The following RANBP2 variants were observed in gnomAD, a reference collection of about 807,000 sequenced individuals.
RANBP2 encodes RAN binding protein 2, also known as E3 SUMO-protein ligase RanBP2.
In RANBP2, 57 loss-of-function variants were observed where a neutral mutation model predicts 303.6. The ratio of observed to expected loss-of-function variants is 0.19; its 90% CI spans 0.15 to 0.23. The LOEUF (loss-of-function observed/expected upper bound fraction) is 0.23, where lower values mean the gene tolerates loss of function less well. RANBP2 is among the 10% of genes least tolerant of loss of function. The probability of loss-of-function intolerance (pLI) is 1.00; values close to 1 mark genes in which losing one functional copy is unlikely to be tolerated. For missense variants in RANBP2, 3,138 were observed against 3,780.8 expected (o/e 0.83, Z 4.46); for synonymous variants, 1,167 against 1,301.5 (o/e 0.90, Z 2.23).
chr2:108,776,014 T>G, intron 24 of RANBP2, 78 bp downstream of exon 24: 1 of 1,266,408 alleles, frequency 7.9e-7, no homozygotes, highest in Non-Finnish European at 1.1e-6. Context: ...TAAAGGCTGA[T>G]CCTGAAAACT....
chr2:109,068,157 T>C, the RANBP2 span, among the ~76,000 whole-genome samples: 1 of 152,246 alleles, frequency 6.6e-6, no homozygotes, highest in African/African-American at 2.4e-5. Context: ...ATAGTGTGTA[T>C]TCCCCTCTGA....
At chr2:109,583,463 G>A in the RANBP2 span, among the ~76,000 whole-genome samples, 2 of 152,146 alleles carry the variant, frequency 1.3e-5, no homozygotes, top group Non-Finnish European at 2.9e-5. Flanking sequence ...AGTCAGAATG[G>A]CTATTATTAA....
the RANBP2 span, among the ~76,000 whole-genome samples, chr2:109,338,434 T>C: frequency 6.8e-6 from 1 of 147,172 alleles, no homozygotes; most frequent in Non-Finnish European, 1.5e-5. Context: ...TAGGGAAACT[T>C]TTTTTTTTTT....
At chr2:109,135,597 G>A in the RANBP2 span, among the ~76,000 whole-genome samples, 1 of 152,134 alleles carries the variant, frequency 6.6e-6, no homozygotes, top group Non-Finnish European at 1.5e-5. Context: ...CTTTGCTGCT[G>A]GTGGATTTGT....
chr2:109,694,188 C>A, the RANBP2 span, among the ~76,000 whole-genome samples: 20 of 152,048 alleles, frequency 1.3e-4, no homozygotes, highest in Admixed American at 6.6e-5. Context: ...TTGGCACTAT[C>A]CCCTTGGTAA....
At chr2:108,900,342 G>A in the RANBP2 span, among the ~76,000 whole-genome samples, 1 of 152,172 alleles carries the variant, frequency 6.6e-6, no homozygotes, top group African/African-American at 2.4e-5. Context: ...GATTAGCTGA[G>A]GTCAGGAGTT....
chr2:108,817,447 C>T, the RANBP2 span, among the ~76,000 whole-genome samples: 1 of 152,062 alleles, frequency 6.6e-6, no homozygotes, highest in African/African-American at 2.4e-5. Flanking sequence ...TGTGTGCCAC[C>T]ACGCCCAGCT....
chr2:109,355,397 G>A, the RANBP2 span, among the ~76,000 whole-genome samples: 1 of 152,144 alleles, frequency 6.6e-6, no homozygotes, highest in Non-Finnish European at 1.5e-5. Context: ...TGGTGGACTA[G>A]GACTCTCTGA....
chr2:109,706,861 T>A, the RANBP2 span, among the ~76,000 whole-genome samples: 1 of 152,134 alleles, frequency 6.6e-6, no homozygotes, highest in Admixed American at 6.6e-5. Context: ...CCCCTCACTT[T>A]CCACAGCAGG....
chr2:109,060,260 G>A, the RANBP2 span, among the ~76,000 whole-genome samples: 1 of 152,170 alleles, frequency 6.6e-6, no homozygotes, highest in Non-Finnish European at 1.5e-5. Context: ...GAAACTGAAA[G>A]TGCAGCAACA....
the RANBP2 span, among the ~76,000 whole-genome samples, chr2:109,189,669 C>T: frequency 6.6e-6 from 1 of 152,220 alleles, no homozygotes; most frequent in Non-Finnish European, 1.5e-5. Flanking sequence ...TACCCCCTAT[C>T]AATTTAATGT....
chr2:109,039,779 C>T, the RANBP2 span, among the ~76,000 whole-genome samples: 192 of 152,014 alleles, frequency 1.3e-3, no homozygotes, highest in African/African-American at 4.2e-3. Context: ...TTATTTTTAA[C>T]CTCAAGCCAC....
At chr2:109,150,349 G>C in the RANBP2 span, among the ~76,000 whole-genome samples, 1 of 152,142 alleles carries the variant, frequency 6.6e-6, no homozygotes, top group African/African-American at 2.4e-5. Flanking sequence ...GGCCGAGGCA[G>C]GTGGTACAAG....
chr2:109,176,791 G>C, the RANBP2 span, among the ~76,000 whole-genome samples: 14 of 152,326 alleles, frequency 9.2e-5, no homozygotes, highest in African/African-American at 3.4e-4. Flanking sequence ...TCCGCTGGCA[G>C]AAGTTAGGCT....
At chr2:109,362,067 T>G in the RANBP2 span, among the ~76,000 whole-genome samples, 1 of 152,134 alleles carries the variant, frequency 6.6e-6, no homozygotes, top group Non-Finnish European at 1.5e-5. Flanking sequence ...GTTTTCAATT[T>G]CATTGATTTC....
the RANBP2 span, among the ~76,000 whole-genome samples, chr2:108,872,507 G>A: frequency 6.6e-6 from 1 of 152,144 alleles, no homozygotes. Context: ...CACTTAGTCT[G>A]TTTTATCCTA....
chr2:109,708,840 G>C, the RANBP2 span, among the ~76,000 whole-genome samples: 4 of 151,296 alleles, frequency 2.6e-5, no homozygotes, highest in Non-Finnish European at 5.9e-5. Context: ...GCTGGATATG[G>C]TGGTGGGCAC....
the RANBP2 span, among the ~76,000 whole-genome samples, chr2:109,071,449 G>A: frequency 2.6e-5 from 4 of 152,158 alleles, no homozygotes; most frequent in African/African-American, 4.8e-5. Flanking sequence ...CAAGGTGGGC[G>A]GATCACTTGA....
At chr2:109,724,673 G>A in the RANBP2 span, among the ~76,000 whole-genome samples, 2 of 152,134 alleles carry the variant, frequency 1.3e-5, no homozygotes, top group African/African-American at 4.8e-5. Flanking sequence ...GGCACCTGCA[G>A]TGAGATAAAA....
Sources: allele counts gnomAD v4.1 joint callset (sites outside exome capture counted in the v4.1 genomes callset), GRCh38; gene constraint gnomAD v4.1.1; transcripts MANE v1.5; gene names NCBI Gene and HGNC (gene_info 2026-07-23, HGNC 2026-07-21).